The following CCDC192 variants were observed in gnomAD, a reference collection of about 807,000 sequenced individuals.
CCDC192 encodes coiled-coil domain-containing protein 192.
At chr5:127,859,905 C>T (rs544809253) in intron 5 of CCDC192, among the ~76,000 whole-genome samples, 16 of 151,994 alleles carry the variant, frequency 1.1e-4, no homozygotes, top group Non-Finnish European at 1.9e-4. Flanking sequence ...TTTTCATGAC[C>T]AAGTCTTTTT....
At chr5:127,849,256 A>G (rs1750694480) in intron 5 of CCDC192, among the ~76,000 whole-genome samples, 1 of 152,204 alleles carries the variant, frequency 6.6e-6, no homozygotes, top group African/African-American at 2.4e-5. Context: ...AAATAAAAGG[A>G]CATTGAATTT....
chr5:127,908,077 A>G (rs1214009037), intron 6 of CCDC192, among the ~76,000 whole-genome samples: 1 of 152,220 alleles, frequency 6.6e-6, no homozygotes, highest in Non-Finnish European at 1.5e-5. Context: ...GATTGGCTTA[A>G]TGCCATTATC....
intron 5 of CCDC192, among the ~76,000 whole-genome samples, chr5:127,835,791 C>T (rs890773916): frequency 2.6e-5 from 4 of 152,016 alleles, no homozygotes; most frequent in East Asian, 1.9e-4. Context: ...TGGGAGAAAC[C>T]GCCCCCATGA....
intron 3 of CCDC192, among the ~76,000 whole-genome samples, chr5:127,777,439 T>C (rs1755934827): frequency 1.3e-5 from 2 of 152,322 alleles, no homozygotes; most frequent in South Asian, 4.1e-4. Context: ...TTTTACAGGC[T>C]CATAGGCAAG....
intron 6 of CCDC192, among the ~76,000 whole-genome samples, chr5:127,898,265 C>A (rs1013793133): frequency 6.6e-6 from 1 of 152,206 alleles, no homozygotes; most frequent in East Asian, 1.9e-4. Flanking sequence ...CCCACCAACA[C>A]GCATGGCTAA....
At chr5:127,878,626 A>G (rs1752213426) in intron 6 of CCDC192, among the ~76,000 whole-genome samples, 1 of 152,240 alleles carries the variant, frequency 6.6e-6, no homozygotes, top group Admixed American at 6.5e-5. Flanking sequence ...ACTGCACTCC[A>G]GTCTTGGTGA....
At chr5:127,710,961 T>A (rs1236607699) in intron 2 of CCDC192, among the ~76,000 whole-genome samples, 4 of 152,200 alleles carry the variant, frequency 2.6e-5, no homozygotes, top group Non-Finnish European at 5.9e-5. Context: ...AGAATTAGAA[T>A]GTTATTTAAA....
chr5:127,719,568 C>CATATATATATATATATAT lies in CCDC192; in HGVS notation c.114+11821_114+11822insTATATATATATATATATA, dbSNP rs142203401. On this transcript the variant is annotated intron_variant, in intron 2 of 6. Transcript: ENST00000514853. The stretch of plus-strand genomic sequence containing the variant: ...ATATATATATATATATACACACATA[C>CATATATATATATATATAT]ATATATATATATACCAAGCAGTGGG... Among the ~76,000 whole-genome samples, 104 of 19,058 alleles carry CATATATATATATATATAT rather than the reference C, an allele frequency of 5.5e-3. 12 individuals carry two copies. Among genetic ancestry groups the CATATATATATATATATAT allele is most frequent in the African/African-American group, 9.5e-3 (95 of 10,044 alleles). The allele number at this position is 19,058 out of a possible 152,430, so 12.5% of individuals were successfully genotyped here.
Position 127,861,671 on chromosome 5 carries a change from T to A in CCDC192, c.412-13867T>A, listed in dbSNP as rs547594961. Among the ~76,000 whole-genome samples the A allele has an allele frequency of 5.9e-5, 9 of 152,234 alleles. No homozygotes were observed. In the South Asian group the frequency reaches 1.2e-3, roughly 21 times the overall value. On this transcript the variant is annotated intron_variant, in intron 5 of 6. Coordinates refer to ENST00000514853, the MANE Select transcript of CCDC192 (RefSeq NM_001317938.2). ...TCCTTCTCAAAAAAAAATTTTTTTTTATTCTTTTTATTCTCTCTGTTCCAC... is the reference window on the plus strand; with the variant it reads ...TCCTTCTCAAAAAAAAATTTTTTTTAATTCTTTTTATTCTCTCTGTTCCAC...
At chr5:127,751,441 C>T (rs1226700091) in intron 2 of CCDC192, among the ~76,000 whole-genome samples, 1 of 151,940 alleles carries the variant, frequency 6.6e-6, no homozygotes, top group Non-Finnish European at 1.5e-5. Flanking sequence ...TGAATATTGG[C>T]CCCCACTCTC....
chr5:127,821,337 A>C (rs1385374344), intron 5 of CCDC192, among the ~76,000 whole-genome samples: 2 of 152,224 alleles, frequency 1.3e-5, no homozygotes, highest in African/African-American at 2.4e-5. Context: ...CAACAATAGA[A>C]GGTGCTATGA....
chr5:127,799,583 T>C (rs955720232), intron 5 of CCDC192, among the ~76,000 whole-genome samples: 2 of 152,180 alleles, frequency 1.3e-5, no homozygotes, highest in African/African-American at 4.8e-5. Flanking sequence ...GAATTTTATA[T>C]GGAGGGCAAA....
At chr5:127,915,321 C>T (rs1409624994) in intron 6 of CCDC192, among the ~76,000 whole-genome samples, 1 of 152,228 alleles carries the variant, frequency 6.6e-6, no homozygotes, top group Non-Finnish European at 1.5e-5. Context: ...GAGCAACCTG[C>T]TGCCCGCGGG....
At chr5:127,840,378 C>A (rs2127062214) in intron 5 of CCDC192, among the ~76,000 whole-genome samples, 1 of 152,260 alleles carries the variant, frequency 6.6e-6, no homozygotes, top group East Asian at 1.9e-4. Flanking sequence ...CCACAGGACA[C>A]ACAGAGCCCT....
At chr5:127,804,251 C>T (rs41512747) in intron 5 of CCDC192, among the ~76,000 whole-genome samples, 4,372 of 152,264 alleles carry the variant, frequency 0.029, 196 homozygotes, top group African/African-American at 0.099. Flanking sequence ...GCCTAAGCAT[C>T]CACTGACACA....
At chr5:127,859,074 A>G (rs1044880345) in intron 5 of CCDC192, among the ~76,000 whole-genome samples, 2 of 152,184 alleles carry the variant, frequency 1.3e-5, no homozygotes, top group Admixed American at 6.5e-5. Flanking sequence ...TATTCTTGTG[A>G]CTACTAATGT....
chr5:127,919,898 T>G (rs1753660319), intron 6 of CCDC192, among the ~76,000 whole-genome samples: 1 of 152,240 alleles, frequency 6.6e-6, no homozygotes, highest in South Asian at 2.1e-4. Flanking sequence ...GAATGCCACT[T>G]TCAGGTAAGG....
At chr5:127,813,325 A>AATTTTTG (rs1245730865) in intron 5 of CCDC192, among the ~76,000 whole-genome samples, 1 of 152,198 alleles carries the variant, frequency 6.6e-6, no homozygotes, top group Non-Finnish European at 1.5e-5. Context: ...AAAAACTCAG[A>AATTTTTG]ATTTTTGAAA....
intron 5 of CCDC192, among the ~76,000 whole-genome samples, chr5:127,818,741 G>T (rs1387752198): frequency 6.6e-6 from 1 of 152,118 alleles, no homozygotes; most frequent in African/African-American, 2.4e-5. Context: ...GGGTGGGAGT[G>T]ATCTAGGCAG....
Sources: gnomAD v4.1 joint callset for allele counts (sites outside exome capture counted in the v4.1 genomes callset) on GRCh38, gnomAD v4.1.1 for gene constraint, MANE v1.5 for transcripts, NCBI Gene and HGNC (gene_info 2026-07-23, HGNC 2026-07-21) for gene names.